Variants in FAM53A observed in about 807,000 individuals in gnomAD.
FAM53A encodes the protein family with sequence similarity 53 member A, also known as protein FAM53A.
In FAM53A, 28 loss-of-function variants were observed where a neutral mutation model predicts 26.6. The ratio of observed to expected loss-of-function variants is 1.05; its 90% CI spans 0.78 to 1.45. The LOEUF is 1.45. FAM53A is among the 40% of genes most tolerant of loss of function. FAM53A has a pLI of 0.00. For missense variants in FAM53A, 650 were observed against 575.8 expected (o/e 1.13, Z -1.32); for synonymous variants, 290 against 253.1 (o/e 1.15, Z -1.38).
chr4:1,652,436 TCA>T (rs1712934776), intron 4 of FAM53A, among the ~76,000 whole-genome samples: 1 of 95,254 alleles, frequency 1.0e-5, no homozygotes, highest in African/African-American at 4.2e-5. Context: ...ACACCACACA[TCA>T]CACACACACC....
Position 1,668,696 on chromosome 4 carries a change from C to G in FAM53A, c.46G>C (p.Asp16His), listed in dbSNP as rs1302039192. ...TEKLQSQSLD[D>H]LTCKAEAGPL... ...CCAGCCTCCGCCTTGCAGGTGAGGT[C>G]GTCCAGGCTCTGGCTCTGCAGCTTC... Residue 16 changes from aspartate (D) to histidine (H), a missense_variant, in exon 2 of 5, where the codon GAC becomes CAC. By Grantham distance (81) the Asp-to-His change is moderately conservative. Coordinates refer to ENST00000308132, the MANE Select transcript of FAM53A (RefSeq NM_001174070.3). 2 of 1,614,174 alleles carry G rather than the reference C, an allele frequency of 1.2e-6. No homozygotes were observed.
chr4:1,654,426 T>G (rs1227671636), intron 4 of FAM53A, among the ~76,000 whole-genome samples: 1 of 152,196 alleles, frequency 6.6e-6, no homozygotes, highest in Non-Finnish European at 1.5e-5. Flanking sequence ...CTGAGAATCT[T>G]CAAGTGGGTG....
the FAM53A span, among the ~76,000 whole-genome samples, chr4:1,591,431 G>A: frequency 6.6e-6 from 1 of 152,186 alleles, no homozygotes; most frequent in African/African-American, 2.4e-5. Context: ...CAGGAATGAA[G>A]GAGAGAGAAT....
At chr4:1,637,006 C>T (rs1295860326), downstream of FAM53A, among the ~76,000 whole-genome samples, 1 of 152,226 alleles carries the variant, frequency 6.6e-6, no homozygotes, top group Non-Finnish European at 1.5e-5. Flanking sequence ...CGGCGGCGAG[C>T]ACGAGAACAA....
Position 1,668,780 on chromosome 4 carries a change from CTG to C in FAM53A, c.-41_-40del, listed in dbSNP as rs1714426924. On this transcript the variant is annotated 5_prime_UTR_variant, in exon 2 of 5. Coordinates refer to ENST00000308132, the MANE Select transcript of FAM53A (RefSeq NM_001174070.3). ...TGTCCTCCGTCCACACCAACAGGCA[CTG>C]GAGTCCTGGAACATCAGACTTGCGA... 1 of 1,598,286 alleles carries C rather than the reference CTG, an allele frequency of 6.3e-7. No individual in the cohort carries two copies. Among genetic ancestry groups the C allele is most frequent in the Non-Finnish European group, 8.6e-7 (1 of 1,166,420 alleles).
intron 1 of FAM53A, among the ~76,000 whole-genome samples, chr4:1,679,270 C>T (rs75507400): frequency 0.087 from 13,153 of 150,774 alleles, 1,661 homozygotes; most frequent in African/African-American, 0.28. Flanking sequence ...ACCTGTAATC[C>T]CAGCTACTCA....
intron 4 of FAM53A, among the ~76,000 whole-genome samples, chr4:1,642,694 C>A (rs1287348067): frequency 1.3e-5 from 2 of 151,084 alleles, no homozygotes; most frequent in Non-Finnish European, 3.0e-5. Flanking sequence ...CCAGTCCTTG[C>A]CTCAAGTCCC....
chr4:1,662,336 G>A (rs1052162568), intron 2 of FAM53A, among the ~76,000 whole-genome samples: 6 of 151,774 alleles, frequency 4.0e-5, no homozygotes, highest in Admixed American at 2.6e-4. Context: ...AAAATTAGCC[G>A]GGCGTGATGG....
the FAM53A span, among the ~76,000 whole-genome samples, chr4:1,583,630 A>C: frequency 3.9e-5 from 6 of 152,216 alleles, no homozygotes; most frequent in Non-Finnish European, 8.8e-5. Context: ...GCTCAGGTGG[A>C]GCCATCCTGG....
chr4:1,642,439 C>T (rs549751214), intron 4 of FAM53A, among the ~76,000 whole-genome samples: 5 of 152,256 alleles, frequency 3.3e-5, no homozygotes, highest in African/African-American at 9.6e-5. Flanking sequence ...ACTCTGCCCC[C>T]CGGCTATATC....
chr4:1,583,363 C>T, the FAM53A span, among the ~76,000 whole-genome samples: 2 of 152,336 alleles, frequency 1.3e-5, no homozygotes, highest in Admixed American at 6.5e-5. Context: ...AAGGTGGCCA[C>T]ATCTTAGACC....
the FAM53A span, among the ~76,000 whole-genome samples, chr4:1,608,025 T>C: frequency 6.6e-6 from 1 of 151,652 alleles, no homozygotes; most frequent in African/African-American, 2.4e-5. Context: ...GGCAGGAGAA[T>C]CACTTGAACC....
intron 1 of FAM53A, among the ~76,000 whole-genome samples, 185 bp from the exon 2 acceptor site, chr4:1,669,090 G>A (rs930021947): frequency 5.3e-5 from 8 of 151,820 alleles, no homozygotes; most frequent in Admixed American, 3.9e-4. Flanking sequence ...TGGTCTTCTG[G>A]CTAAAGGCAA....
At chr4:1,625,269 C>G (rs111605384) in intron 1 of FAM53A, among the ~76,000 whole-genome samples, 1 of 54,430 alleles carries the variant, frequency 1.8e-5, no homozygotes, top group Non-Finnish European at 3.2e-5. Flanking sequence ...TCCCGACCCA[C>G]GTGGTCAGGG....
the FAM53A span, among the ~76,000 whole-genome samples, chr4:1,590,985 T>C: frequency 6.1e-5 from 8 of 132,118 alleles, no homozygotes; most frequent in African/African-American, 2.0e-4. Context: ...TATATATATA[T>C]ATATATATAT....
intron 1 of FAM53A, among the ~76,000 whole-genome samples, chr4:1,627,336 G>C (rs1021777032): frequency 6.6e-6 from 1 of 152,100 alleles, no homozygotes; most frequent in Non-Finnish European, 1.5e-5. Context: ...TCTGTTCCCT[G>C]AGTAGCTCAC....
the FAM53A span, among the ~76,000 whole-genome samples, chr4:1,599,666 C>T: frequency 9.2e-5 from 14 of 152,280 alleles, no homozygotes; most frequent in South Asian, 8.3e-4. This position sits in a 1 kb window ranked among gnomAD's most constrained non-coding sequence, Gnocchi z 6.1. Flanking sequence ...CAGCCCACCC[C>T]GCTTGGCCCT....
Position 1,655,347 on chromosome 4 carries a change from C to A in FAM53A, c.513G>T (p.Arg171Ser), listed in dbSNP as rs755211138. The change falls in exon 4 of 5, where the codon AGG (arginine) becomes AGT (serine). Residue 171 changes from arginine to serine, a missense_variant. Transcript: ENST00000308132. Reference protein sequence around the residue: ...RQGSPGAVLPRSAVWSTGPTS... With the variant: ...RQGSPGAVLPSSAVWSTGPTS... ...TGGGACCGGTCGACCACACAGCACT[C>A]CTCGGCAGGACGGCGCCGGGGCTTC... 13 of 1,437,472 alleles carry A rather than the reference C, an allele frequency of 9.0e-6. No individual in the cohort carries two copies. Among genetic ancestry groups the A allele is most frequent in the Non-Finnish European group, 1.2e-5 (13 of 1,098,392 alleles). 89.0% of individuals were successfully genotyped at this position (1,437,472 alleles called of 1,614,324 possible).
In FAM53A at chr4:1,656,394, T is replaced by TGGCTTGTGCAGTCACTGTCCAGC. The variant is rs540177447; in HGVS notation, c.137-694_137-672dup. Among the ~76,000 whole-genome samples, 86 of 152,258 alleles carry TGGCTTGTGCAGTCACTGTCCAGC rather than the reference T, an allele frequency of 5.6e-4. 1 individual carries two copies. In the South Asian group the frequency reaches 0.015, roughly 26 times the overall value. The stretch of plus-strand genomic sequence containing the variant: ...TGGGCCTGGCATGGAGTCTGCCCAG[T>TGGCTTGTGCAGTCACTGTCCAGC]GGCTTGTGCAGTCACTGTCCAGCTG... On this transcript the variant is annotated intron_variant, in intron 3 of 4. Coordinates refer to ENST00000308132, the MANE Select transcript of FAM53A (RefSeq NM_001174070.3).
Sources: gnomAD v4.1 joint callset for allele counts (sites outside exome capture counted in the v4.1 genomes callset) on GRCh38, gnomAD v4.1.1 for gene constraint, Gnocchi (gnomAD v3.1) non-coding constraint, MANE v1.5 for transcripts, NCBI Gene and HGNC (gene_info 2026-07-23, HGNC 2026-07-21) for gene names.